The following CSMD1 variants were observed in gnomAD, a reference collection of about 807,000 sequenced individuals.
CSMD1 encodes CUB and Sushi multiple domains 1, also known as CUB and sushi domain-containing protein 1.
In CSMD1, 213 loss-of-function variants were observed where a neutral mutation model predicts 417.5. The ratio of observed to expected loss-of-function variants is 0.51; its 90% CI spans 0.46 to 0.57. The LOEUF (loss-of-function observed/expected upper bound fraction) is 0.57. CSMD1 is among the 20% of genes least tolerant of loss of function. The pLI, the probability that CSMD1 is intolerant of heterozygous loss-of-function variation, is 0.00. For synonymous variants in CSMD1, 2,862 were observed against 1,736.8 expected, an observed-to-expected ratio of 1.65 and a Z score of -16.11; for missense variants, 6,923 against 4,529.7, an observed-to-expected ratio of 1.53 and a Z score of -15.17.
chr8:3,280,306 T>C (rs1276760349), intron 26 of CSMD1, among the ~76,000 whole-genome samples: 1 of 152,224 alleles, frequency 6.6e-6, no homozygotes, highest in Non-Finnish European at 1.5e-5. Flanking sequence ...TACTCTATCC[T>C]CATTTCATAA....
At chr8:3,377,485 T>C (rs1810385228) in intron 18 of CSMD1, among the ~76,000 whole-genome samples, 1 of 152,242 alleles carries the variant, frequency 6.6e-6, no homozygotes, top group African/African-American at 2.4e-5. Context: ...TTATTTTCTA[T>C]GGAAAATGCC....
chr8:3,925,652 G>A (rs1472185539), intron 5 of CSMD1, among the ~76,000 whole-genome samples: 1 of 151,892 alleles, frequency 6.6e-6, no homozygotes, highest in Non-Finnish European at 1.5e-5. Context: ...GCTTATCAGA[G>A]GTTTCCACTT....
chr8:3,482,311 G>T (rs1324587916), intron 11 of CSMD1, among the ~76,000 whole-genome samples: 1 of 152,104 alleles, frequency 6.6e-6, no homozygotes, highest in Non-Finnish European at 1.5e-5. Flanking sequence ...CAGGCATATT[G>T]ATAGTAAAAG....
chr8:4,572,823 TC>T (rs1379900426), intron 2 of CSMD1, among the ~76,000 whole-genome samples: 1 of 152,204 alleles, frequency 6.6e-6, no homozygotes, highest in African/African-American at 2.4e-5. Flanking sequence ...TTCCTTTCAT[TC>T]TTTTTTCTCT....
intron 30 of CSMD1, among the ~76,000 whole-genome samples, chr8:3,207,924 G>A (rs528311391): frequency 3.5e-4 from 53 of 152,172 alleles, no homozygotes; most frequent in African/African-American, 1.3e-3. Flanking sequence ...CTTCAAAACT[G>A]AAGGTTTCCA....
chr8:4,436,110 A>G (rs971539096), intron 2 of CSMD1, among the ~76,000 whole-genome samples: 2 of 152,198 alleles, frequency 1.3e-5, no homozygotes, highest in Non-Finnish European at 2.9e-5. Context: ...ACTGAGCTAA[A>G]TATATTCTTC....
intron 3 of CSMD1, among the ~76,000 whole-genome samples, chr8:4,380,235 A>C (rs1231154880): frequency 6.6e-6 from 1 of 152,208 alleles, no homozygotes; most frequent in African/African-American, 2.4e-5. Flanking sequence ...ACACCAGAGT[A>C]ACCTTGCAGT....
intron 3 of CSMD1, among the ~76,000 whole-genome samples, chr8:4,190,245 T>G (rs1442482605): frequency 5.6e-5 from 5 of 89,650 alleles, no homozygotes; most frequent in African/African-American, 1.9e-4. Context: ...GGCAACAAAC[T>G]CCGTCTCCAA....
At chr8:3,567,705 CCT>C (rs1799773747) in intron 10 of CSMD1, among the ~76,000 whole-genome samples, 1 of 152,074 alleles carries the variant, frequency 6.6e-6, no homozygotes, top group Non-Finnish European at 1.5e-5. Context: ...GGTTATTTCC[CCT>C]CTCTGAATTT....
At chr8:4,757,908 G>T (rs957452590) in intron 1 of CSMD1, among the ~76,000 whole-genome samples, 1 of 140,124 alleles carries the variant, frequency 7.1e-6, no homozygotes, top group South Asian at 2.2e-4. Flanking sequence ...GAAGGGAGCC[G>T]ACATTGTGCC....
intron 1 of CSMD1, among the ~76,000 whole-genome samples, chr8:4,641,690 A>C (rs1585378254): frequency 6.6e-6 from 1 of 152,348 alleles, no homozygotes; most frequent in East Asian, 1.9e-4. Flanking sequence ...AACCCAGTGC[A>C]TTACAGACCT....
intron 5 of CSMD1, among the ~76,000 whole-genome samples, chr8:3,760,921 G>A (rs767396313): frequency 6.6e-6 from 1 of 151,692 alleles, no homozygotes; most frequent in East Asian, 1.9e-4. Context: ...CCAGTTTTGT[G>A]TCAATTTGGG....
chr8:4,167,583 A>G (rs149097614), intron 3 of CSMD1, among the ~76,000 whole-genome samples: 1 of 152,204 alleles, frequency 6.6e-6, no homozygotes, highest in South Asian at 2.1e-4. Context: ...TCAACCATTT[A>G]AGGATATGCA....
At chr8:4,136,769 T>A (rs1361435952) in intron 3 of CSMD1, among the ~76,000 whole-genome samples, 2 of 152,212 alleles carry the variant, frequency 1.3e-5, no homozygotes, top group African/African-American at 4.8e-5. Flanking sequence ...TTGACTTTTA[T>A]AATGATTAGT....
At chr8:4,743,060 A>G (rs191133559) in intron 1 of CSMD1, among the ~76,000 whole-genome samples, 1 of 152,220 alleles carries the variant, frequency 6.6e-6, no homozygotes, top group African/African-American at 2.4e-5. Context: ...ATTTTATTAC[A>G]TTAATTATTA....
chr8:3,675,629 G>A (rs1799333079), intron 7 of CSMD1, among the ~76,000 whole-genome samples: 1 of 152,058 alleles, frequency 6.6e-6, no homozygotes, highest in African/African-American at 2.4e-5. Context: ...AAGGAAAGGA[G>A]GAAACCAGGG....
intron 1 of CSMD1, among the ~76,000 whole-genome samples, chr8:4,789,089 A>G (rs1196806071): frequency 6.6e-6 from 1 of 152,228 alleles, no homozygotes; most frequent in Non-Finnish European, 1.5e-5. Flanking sequence ...ACCATCCAGA[A>G]AAGGTAATCA....
intron 7 of CSMD1, among the ~76,000 whole-genome samples, chr8:3,695,082 C>A (rs1023982835): frequency 4.9e-4 from 22 of 44,932 alleles, no homozygotes; most frequent in African/African-American, 1.1e-3. Flanking sequence ...GAATTGGAGG[C>A]CCTGCGTGTG....
chr8:3,763,318 G>T (rs1260134580), intron 5 of CSMD1, among the ~76,000 whole-genome samples: 1 of 152,098 alleles, frequency 6.6e-6, no homozygotes, highest in Non-Finnish European at 1.5e-5. Flanking sequence ...ATTGGAGGTG[G>T]GGCCCTGTGG....
Sources: allele counts gnomAD v4.1 joint callset (sites outside exome capture counted in the v4.1 genomes callset), GRCh38; gene constraint gnomAD v4.1.1; transcripts MANE v1.5; gene names NCBI Gene and HGNC (gene_info 2026-07-23, HGNC 2026-07-21).